Variants in DAAM1 observed in about 807,000 individuals in gnomAD.
DAAM1 encodes the protein disheveled-associated activator of morphogenesis 1.
DAAM1 carries 52 observed loss-of-function variants against 130.0 expected under a neutral mutation model. That is an observed-to-expected ratio of 0.40 (90% CI 0.32 to 0.50). DAAM1 has a LOEUF of 0.50. Ranked by LOEUF, DAAM1 falls within the 20% of genes least tolerant of loss-of-function variation. DAAM1 has a pLI of 0.61. For missense variants in DAAM1, 1,134 were observed against 1,303.8 expected, an observed-to-expected ratio of 0.87 and a Z score of 2.01; for synonymous variants, 452 against 444.5, an observed-to-expected ratio of 1.02 and a Z score of -0.21.
At chr14:59,270,345 G>T (rs949876308) in intron 2 of DAAM1, among the ~76,000 whole-genome samples, 2 of 152,230 alleles carry the variant, frequency 1.3e-5, no homozygotes, top group Non-Finnish European at 2.9e-5. Context: ...AAGTCTGCAT[G>T]TGCAGAGATC....
At chr14:59,321,130 A>G (rs1353952456) in intron 5 of DAAM1, among the ~76,000 whole-genome samples, 1 of 59,046 alleles carries the variant, frequency 1.7e-5, no homozygotes, top group Non-Finnish European at 3.5e-5. Context: ...TTTGGCTACA[A>G]AAAAAAGGAA....
intron 1 of DAAM1, among the ~76,000 whole-genome samples, chr14:59,248,671 T>C (rs1355644685): frequency 6.6e-6 from 1 of 152,228 alleles, no homozygotes; most frequent in Non-Finnish European, 1.5e-5. Flanking sequence ...TAATTTCCTC[T>C]ACCCCTTCTC....
intron 3 of DAAM1, among the ~76,000 whole-genome samples, chr14:59,311,825 G>A (rs548078822): frequency 2.0e-5 from 3 of 152,170 alleles, no homozygotes; most frequent in Admixed American, 2.0e-4. Context: ...AGTAGCTAGG[G>A]CTACAGGCAT....
chr14:59,342,113 C>CT (rs1237748232), intron 16 of DAAM1, among the ~76,000 whole-genome samples: 1 of 152,178 alleles, frequency 6.6e-6, no homozygotes, highest in Non-Finnish European at 1.5e-5. Flanking sequence ...TGACTTAGAA[C>CT]TTGAATGTAT....
chr14:59,366,550 G>A (rs1053508125), intron 23 of DAAM1, among the ~76,000 whole-genome samples: 1 of 152,084 alleles, frequency 6.6e-6, no homozygotes, highest in Admixed American at 6.5e-5. Flanking sequence ...TATGTCTAGG[G>A]TGCTATACCC....
intron 1 of DAAM1, among the ~76,000 whole-genome samples, chr14:59,245,443 A>G (rs185006730): frequency 2.0e-5 from 3 of 152,300 alleles, no homozygotes; most frequent in South Asian, 2.1e-4. Context: ...TACCAAGTGA[A>G]TTTATTCCTG....
At chr14:59,286,965 G>T (rs1234206696) in intron 2 of DAAM1, among the ~76,000 whole-genome samples, 1 of 152,060 alleles carries the variant, frequency 6.6e-6, no homozygotes, top group Non-Finnish European at 1.5e-5. Context: ...CCAAAGACTG[G>T]CAGAGACACA....
chr14:59,301,198 A>G (rs979558176), intron 3 of DAAM1, among the ~76,000 whole-genome samples: 3 of 152,164 alleles, frequency 2.0e-5, no homozygotes, highest in Non-Finnish European at 4.4e-5. Context: ...CTGTCTCACA[A>G]ATCAAATTGA....
At chr14:59,233,685 G>A (rs1889191569) in intron 1 of DAAM1, among the ~76,000 whole-genome samples, 1 of 152,116 alleles carries the variant, frequency 6.6e-6, no homozygotes, top group South Asian at 2.1e-4. Context: ...ATTGCTTTTG[G>A]TGTTTTAATC....
intron 1 of DAAM1, among the ~76,000 whole-genome samples, chr14:59,215,276 A>G (rs1294770091): frequency 6.6e-6 from 1 of 152,242 alleles, no homozygotes; most frequent in Non-Finnish European, 1.5e-5. Context: ...ACAGCTAGAC[A>G]TGGAAGGTTC....
chr14:59,310,961 G>GA (rs199658979), intron 3 of DAAM1, among the ~76,000 whole-genome samples: 9,658 of 102,584 alleles, frequency 0.094, 386 homozygotes, highest in Non-Finnish European at 0.14. Flanking sequence ...ATCTTAAACT[G>GA]AAAAAAAACA....
At chr14:59,327,820 T>C (rs1476839949) in intron 12 of DAAM1, among the ~76,000 whole-genome samples, 1 of 152,220 alleles carries the variant, frequency 6.6e-6, no homozygotes, top group Non-Finnish European at 1.5e-5. Flanking sequence ...TACGAAACAT[T>C]AGCTGGCCAG....
At chr14:59,308,438 G>A (rs1034814847) in intron 3 of DAAM1, among the ~76,000 whole-genome samples, 11 of 152,164 alleles carry the variant, frequency 7.2e-5, no homozygotes, top group Admixed American at 2.0e-4. Context: ...ATTCCATGCA[G>A]TTCCCAGGGA....
rs386381493 is a variant in DAAM1 at position 59,327,402 on chromosome 14, C to CTTTTTTTTTT, written c.1372+426_1372+435dup. 8.3e-3 allele frequency among the ~76,000 whole-genome samples: 491 copies of CTTTTTTTTTT among 58,972 alleles called. 78 individuals are homozygous for CTTTTTTTTTT. Among genetic ancestry groups the CTTTTTTTTTT allele is most frequent in the Middle Eastern group, 0.019 (1 of 54 alleles). The allele number at this position is 58,972 out of a possible 152,430, so 38.7% of individuals were successfully genotyped here. A position where few individuals can be genotyped will look rare whatever the true frequency, so the allele number is the denominator to read the frequency against. ...AAGAGAAGAACAGGTCACTTGGTTT[C>CTTTTTTTTTT]TTTTTTTTTTTTTTTTTTTTTTTTG... is the stretch of plus-strand genomic sequence containing the variant. On this transcript the variant is annotated intron_variant, in intron 12 of 24. Coordinates refer to ENST00000360909, the MANE Select transcript of DAAM1 (RefSeq NM_001270520.2).
intron 1 of DAAM1, among the ~76,000 whole-genome samples, chr14:59,223,747 A>T (rs1888850675): frequency 6.6e-6 from 1 of 152,152 alleles, no homozygotes; most frequent in Non-Finnish European, 1.5e-5. Context: ...GCACTTTTTG[A>T]TGGTAGGAGG....
intron 1 of DAAM1, among the ~76,000 whole-genome samples, chr14:59,249,849 A>G (rs959967231): frequency 2.0e-5 from 3 of 152,228 alleles, no homozygotes; most frequent in African/African-American, 7.2e-5. Context: ...TAAGTAGGAT[A>G]AAATGTGGCT....
intron 21 of DAAM1, among the ~76,000 whole-genome samples, chr14:59,360,239 G>A (rs531006280): frequency 2.8e-4 from 43 of 152,240 alleles, no homozygotes; most frequent in Non-Finnish European, 5.3e-4. Flanking sequence ...AAAGTGTTGT[G>A]TATGGGAGAA....
chr14:59,202,221 G>A (rs774937202), intron 1 of DAAM1, among the ~76,000 whole-genome samples: 21 of 152,146 alleles, frequency 1.4e-4, no homozygotes, highest in Non-Finnish European at 8.8e-5. Flanking sequence ...CTCCTCTGGC[G>A]TCATAGACGT....
At chr14:59,348,128 C>T (rs1415614017) in intron 17 of DAAM1, among the ~76,000 whole-genome samples, 1 of 152,184 alleles carries the variant, frequency 6.6e-6, no homozygotes, top group Non-Finnish European at 1.5e-5. Flanking sequence ...TTGTAAATGT[C>T]TTGGGGCTAA....
Sources: gnomAD v4.1 joint callset for allele counts (sites outside exome capture counted in the v4.1 genomes callset) on GRCh38, gnomAD v4.1.1 for gene constraint, MANE v1.5 for transcripts, NCBI Gene and HGNC (gene_info 2026-07-23, HGNC 2026-07-21) for gene names.